Variants in PIRT observed in about 807,000 individuals in gnomAD.
PIRT encodes the protein phosphoinositide-interacting protein.
Under a neutral mutation model 7.9 loss-of-function variants are expected in PIRT, and 6 were observed. The ratio of observed to expected loss-of-function variants is 0.76; its 90% CI spans 0.42 to 1.51. PIRT has a LOEUF of 1.51. Among genes scored for constraint, PIRT ranks in the 40% most tolerant of loss-of-function variants. PIRT has a pLI of 0.01. For synonymous variants in PIRT, 78 were observed against 71.8 expected, an observed-to-expected ratio of 1.09 and a Z score of -0.44; for missense variants, 170 against 172.9, an observed-to-expected ratio of 0.98 and a Z score of 0.09.
chr17:10,826,671 C>G (rs142324880), intron 1 of PIRT, among the ~76,000 whole-genome samples: 1 of 152,322 alleles, frequency 6.6e-6, no homozygotes, highest in Non-Finnish European at 1.5e-5. Flanking sequence ...GAAGATCACA[C>G]GATAAGGAAC....
intron 1 of PIRT, among the ~76,000 whole-genome samples, chr17:10,826,794 G>A (rs1236307080): frequency 6.6e-6 from 1 of 152,160 alleles, no homozygotes; most frequent in African/African-American, 2.4e-5. Flanking sequence ...GGACAGTGAT[G>A]TCACAGGTTC....
intron 1 of PIRT, among the ~76,000 whole-genome samples, chr17:10,835,115 G>C (rs1905555780): frequency 6.6e-6 from 1 of 152,086 alleles, no homozygotes; most frequent in Admixed American, 6.6e-5. Flanking sequence ...CCATTCTTTG[G>C]CCTAAGTGAC....
rs546105685 is a variant in PIRT, at chr17:10,827,465, C to CTTTTTTTTTTTT, written c.-138-1694_-138-1683dup. 3.4e-3 allele frequency among the ~76,000 whole-genome samples: 191 copies of CTTTTTTTTTTTT among 56,274 alleles called. 8 individuals are homozygous for CTTTTTTTTTTTT. The highest frequency in any genetic ancestry group is 5.2e-3 in the African/African-American group (69 of 13,324). The allele number at this position is 56,274 out of a possible 152,430, so 36.9% of individuals were successfully genotyped here. A position where few individuals can be genotyped will look rare whatever the true frequency, so the allele number is the denominator to read the frequency against. Reference sequence around the variant, plus strand: ...TCTTTCTTTTCTTTCTTTTTCTTTTCTTTTTTTTTTTTTTTTTTTTTTTTT... The same window carrying CTTTTTTTTTTTT: ...TCTTTCTTTTCTTTCTTTTTCTTTTCTTTTTTTTTTTTTTTTTTTTTTTTTTTTTTTTTTTTT... On this transcript the variant is annotated intron_variant, in intron 1 of 1. Coordinates refer to ENST00000580256, the MANE Select transcript of PIRT (RefSeq NM_001101387.2).
chr17:10,827,460 CTTTTCTTTT>C (rs1905352875), intron 1 of PIRT, among the ~76,000 whole-genome samples: 3 of 66,968 alleles, frequency 4.5e-5, no homozygotes, highest in African/African-American at 1.4e-4. Flanking sequence ...CTTTCTTTTT[CTTTTCTTTT>C]TTTTTTTTTT....
intron 1 of PIRT, among the ~76,000 whole-genome samples, chr17:10,835,891 C>T (rs1266443589): frequency 1.3e-5 from 2 of 151,732 alleles, no homozygotes; most frequent in African/African-American, 4.8e-5. Flanking sequence ...AGCTGCCAGC[C>T]TCCAAATCCT....
chr17:10,823,920 T>G lies in PIRT; in HGVS notation c.*1312A>C, dbSNP rs924036339. ...TCAGACAAATGGCCGTGCAGTTTCCTAATTCCATCATGCTTCTCCTTCCCC... is the reference window on the plus strand; with the variant it reads ...TCAGACAAATGGCCGTGCAGTTTCCGAATTCCATCATGCTTCTCCTTCCCC... On this transcript the variant is annotated 3_prime_UTR_variant, in exon 2 of 2. Transcript: ENST00000580256. 6.6e-6 allele frequency: 1 copy of G among 152,272 alleles called. No individual in the cohort carries two copies. Among genetic ancestry groups the G allele is most frequent in the Non-Finnish European group, 1.5e-5 (1 of 68,054 alleles). 9.4% of individuals were successfully genotyped at this position (152,272 alleles called of 1,614,324 possible).
intron 1 of PIRT, among the ~76,000 whole-genome samples, chr17:10,827,226 A>T (rs1036173570): frequency 6.6e-6 from 1 of 152,028 alleles, no homozygotes; most frequent in Admixed American, 6.6e-5. Flanking sequence ...ATGGAGTCTC[A>T]CTCAATTGCC....
In PIRT at chr17:10,825,766, G is replaced by T. The variant is rs1905300633; in HGVS notation, c.-121C>A. The T allele has an allele frequency of 1.0e-6, 1 of 990,572 alleles. No individual in the cohort carries two copies. Among genetic ancestry groups the T allele is most frequent in the Non-Finnish European group, 1.3e-6 (1 of 746,428 alleles). 61.4% of individuals were successfully genotyped at this position (990,572 alleles called of 1,614,324 possible). On this transcript the variant is annotated 5_prime_UTR_variant, in exon 2 of 2. Transcript: ENST00000580256. ...TCTCTAGCCCCGCTCTCAGTGGAGG[G>T]TGAACAAGGTTTTTGTGCTGAAGCC...
chr17:10,828,352 C>A (rs1355749686), intron 1 of PIRT, among the ~76,000 whole-genome samples: 1 of 152,148 alleles, frequency 6.6e-6, no homozygotes, highest in Non-Finnish European at 1.5e-5. Context: ...AAGAAGGAGA[C>A]CTTGGCCTCT....
At chr17:10,835,670 G>A (rs1438555889) in intron 1 of PIRT, among the ~76,000 whole-genome samples, 2 of 152,238 alleles carry the variant, frequency 1.3e-5, no homozygotes, top group African/African-American at 4.8e-5. Flanking sequence ...GGACGCCGGG[G>A]TCCCCGAGCT....
chr17:10,832,922 G>A (rs551359281), intron 1 of PIRT, among the ~76,000 whole-genome samples: 1 of 152,276 alleles, frequency 6.6e-6, no homozygotes, highest in Admixed American at 6.5e-5. Flanking sequence ...CACCTGACAG[G>A]CCCAGAACCC....
chr17:10,830,217 G>A (rs1374700621), intron 1 of PIRT, among the ~76,000 whole-genome samples: 1 of 152,146 alleles, frequency 6.6e-6, no homozygotes, highest in Non-Finnish European at 1.5e-5. Context: ...CTGTGACCAG[G>A]CAAAAGGCAA....
chr17:10,824,770 G>A lies in PIRT; in HGVS notation c.*462C>T, dbSNP rs144841777. 2.0e-3 allele frequency: 333 copies of A among 167,138 alleles called. 2 individuals are homozygous for A. Among genetic ancestry groups the A allele is most frequent in the African/African-American group, 6.8e-3 (285 of 41,910 alleles). The allele number at this position is 167,138 out of a possible 1,614,324, so 10.4% of individuals were successfully genotyped here. A position where few individuals can be genotyped will look rare whatever the true frequency, so the allele number is the denominator to read the frequency against. The stretch of plus-strand genomic sequence containing the variant: ...GGGCTGTCAAACCCAATGGGTCAGA[G>A]CTCAGCCATCCCTCCCTCCTCTGTA... On this transcript the variant is annotated 3_prime_UTR_variant, in exon 2 of 2. Transcript: ENST00000580256.
intron 1 of PIRT, among the ~76,000 whole-genome samples, chr17:10,827,473 T>TTC (rs1905358341): frequency 8.3e-6 from 1 of 120,354 alleles, no homozygotes; most frequent in South Asian, 2.9e-4. Context: ...TTCTTTTTTT[T>TTC]TTTTTTTTTT....
rs1403940553 is a variant in PIRT at position 10,837,944 on chromosome 17, C to T, written c.-139+1G>A. 1 of 152,262 alleles carries T rather than the reference C, an allele frequency of 6.6e-6. No homozygotes were observed. Among genetic ancestry groups the T allele is most frequent in the African/African-American group, 2.4e-5 (1 of 41,448 alleles). The allele number at this position is 152,262 out of a possible 1,614,324, so 9.4% of individuals were successfully genotyped here. Reference sequence around the variant, plus strand: ...GAAGGAAACATTCCCTCCTTACTTACTGTCCTCGATGTCCCAGGGGAGGAT... The same window carrying T: ...GAAGGAAACATTCCCTCCTTACTTATTGTCCTCGATGTCCCAGGGGAGGAT... On this transcript the variant is annotated splice_donor_variant, in intron 1 of 1. Transcript: ENST00000580256. LOFTEE classifies it low-confidence loss of function (5UTR_SPLICE).
chr17:10,833,261 A>G (rs903822244), intron 1 of PIRT, among the ~76,000 whole-genome samples: 3 of 152,240 alleles, frequency 2.0e-5, no homozygotes, highest in Admixed American at 6.5e-5. Context: ...AGGTAAAACT[A>G]TAAAGATTTT....
Position 10,824,967 on chromosome 17 carries a change from A to C in PIRT, c.*265T>G, listed in dbSNP as rs915783018. 1.9e-5 allele frequency: 9 copies of C among 472,982 alleles called. No homozygotes were observed. Among genetic ancestry groups the C allele is most frequent in the Non-Finnish European group, 3.4e-5 (9 of 266,906 alleles). The allele number at this position is 472,982 out of a possible 1,614,324, so 29.3% of individuals were successfully genotyped here. On this transcript the variant is annotated 3_prime_UTR_variant, in exon 2 of 2. Transcript: ENST00000580256. The stretch of plus-strand genomic sequence containing the variant: ...AGTTGGATGAATGATGCCTGGATGC[A>C]GGGGCAGGGGGTTAGAGTGACCAAA...
At chr17:10,828,228 C>T (rs780937902) in intron 1 of PIRT, among the ~76,000 whole-genome samples, 1 of 152,204 alleles carries the variant, frequency 6.6e-6, no homozygotes, top group African/African-American at 2.4e-5. Flanking sequence ...CTCTCTCCTC[C>T]TGTACCCCGA....
At chr17:10,835,144 A>G (rs1227775348) in intron 1 of PIRT, among the ~76,000 whole-genome samples, 1 of 152,200 alleles carries the variant, frequency 6.6e-6, no homozygotes, top group Non-Finnish European at 1.5e-5. Context: ...TCGCCAAGGC[A>G]GGCTTCCTTC....
Sources: gnomAD v4.1 joint callset for allele counts (sites outside exome capture counted in the v4.1 genomes callset) on GRCh38, gnomAD v4.1.1 for gene constraint, MANE v1.5 for transcripts, NCBI Gene and HGNC (gene_info 2026-07-23, HGNC 2026-07-21) for gene names.